The following ADGRB1 variants were observed in gnomAD, a reference collection of about 807,000 sequenced individuals.
ADGRB1 encodes the protein adhesion G protein-coupled receptor B1, also known as brain-specific angiogenesis inhibitor 1.
Under a neutral mutation model 175.7 loss-of-function variants are expected in ADGRB1, and 36 were observed. The ratio of observed to expected loss-of-function variants is 0.20; its 90% CI spans 0.16 to 0.27. The LOEUF (loss-of-function observed/expected upper bound fraction) is 0.27, where lower values mean the gene tolerates loss of function less well. Ranked by LOEUF, ADGRB1 falls within the 10% of genes least tolerant of loss-of-function variation. The pLI, the probability that ADGRB1 is intolerant of heterozygous loss-of-function variation, is 1.00. For synonymous variants in ADGRB1, 1,054 were observed against 979.4 expected (o/e 1.08, Z -1.42); for missense variants, 1,731 against 2,255.3 (o/e 0.77, Z 4.71).
At chr8:142,489,548 C>A (rs1841885146) in intron 16 of ADGRB1, 110 bp downstream of exon 16, 2 of 1,189,116 alleles carry the variant, frequency 1.7e-6, no homozygotes, top group Non-Finnish European at 2.4e-6. Context: ...ACAGCTTTAA[C>A]CTTCGAGAGC....
At position 142,532,845 on chromosome 8, in the gene ADGRB1, C is replaced by T. The variant is rs549249200; in HGVS notation, c.3399-450C>T. ...CACCAGACAGCCCATCCCTCTCCAG[C>T]CTGTCTCCCTTCCCCTGTCACCTCC... On this transcript the variant is annotated intron_variant, in intron 24 of 30. Coordinates refer to ENST00000517894, the MANE Select transcript of ADGRB1 (RefSeq NM_001702.3). Among the ~76,000 whole-genome samples, 5 of 152,244 alleles carry T rather than the reference C, an allele frequency of 3.3e-5. No homozygotes were observed. The South Asian group carries it at 1.0e-3, about 32-fold the overall frequency.
At chr8:142,505,021 G>T (rs1433790981) in intron 17 of ADGRB1, among the ~76,000 whole-genome samples, 3 of 148,866 alleles carry the variant, frequency 2.0e-5, no homozygotes, top group Non-Finnish European at 4.5e-5. Context: ...TCGTGGGCCG[G>T]CAGGAGGCAT....
intron 1 of ADGRB1, among the ~76,000 whole-genome samples, chr8:142,462,815 C>T (rs1282769973): frequency 6.6e-6 from 1 of 152,220 alleles, no homozygotes; most frequent in Non-Finnish European, 1.5e-5. Flanking sequence ...TGGCCAGAGG[C>T]CTTGGGGGTG....
chr8:142,488,263 C>T, intron 13 of ADGRB1, 101 bp from the exon 14 acceptor site: 1 of 1,500,536 alleles, frequency 6.7e-7, no homozygotes, highest in Non-Finnish European at 9.1e-7. Context: ...CGGCATCAGC[C>T]TGCACTGCCA....
chr8:142,477,286 G>A lies in ADGRB1; in HGVS notation c.1222+8G>A. 1 of 1,523,104 alleles carries A rather than the reference G, an allele frequency of 6.6e-7. No homozygotes were observed. The highest frequency in any genetic ancestry group is 1.6e-5 in the African/African-American group (1 of 61,100). The allele number at this position is 1,523,104 out of a possible 1,614,324, so 94.3% of individuals were successfully genotyped here. ...ACTCTGCCGTGTGCCCAGGTGGGTG[G>A]GACCTTGGGCTGGGGCAGCGGACAG... On this transcript the variant is annotated splice_region_variant and intron_variant, in intron 5 of 30. Transcript: ENST00000517894.
intron 22 of ADGRB1, 132 bp downstream of exon 22, chr8:142,522,842 G>A: frequency 8.9e-7 from 1 of 1,122,096 alleles, no homozygotes; most frequent in Non-Finnish European, 1.2e-6. Context: ...CTCAGGGAGG[G>A]TGGGGCCCCA....
chr8:142,535,199 C>T (rs762377922), intron 25 of ADGRB1, among the ~76,000 whole-genome samples: 13 of 152,136 alleles, frequency 8.5e-5, no homozygotes, highest in Non-Finnish European at 1.6e-4. Context: ...ACCAACTGAC[C>T]GGTGACGGGA....
chr8:142,450,384 C>T (rs1839268863), intron 1 of ADGRB1, among the ~76,000 whole-genome samples: 2 of 152,154 alleles, frequency 1.3e-5, no homozygotes, highest in East Asian at 2.0e-4. Context: ...AGGAGAGGCT[C>T]CTCGGCGCCG....
In ADGRB1 at chr8:142,517,421, G is replaced by A. The variant is rs1006097543; in HGVS notation, c.2818-717G>A. On this transcript the variant is annotated intron_variant, in intron 18 of 30. Transcript: ENST00000517894. ...GCAGGGCAGAGGTGCCCTCCAGTGC[G>A]CTGATCACCTCCCCCATGCCGCTGT... is the stretch of plus-strand genomic sequence containing the variant. Among the ~76,000 whole-genome samples the A allele has an allele frequency of 8.5e-5, 13 of 152,242 alleles. No homozygotes were observed. The East Asian group carries it at 9.6e-4, about 11-fold the overall frequency.
chr8:142,455,471 C>A lies in ADGRB1; in HGVS notation c.-220+5367C>A, dbSNP rs545529002. Among the ~76,000 whole-genome samples the A allele has an allele frequency of 5.9e-5, 9 of 152,322 alleles. No individual in the cohort carries two copies. The East Asian group carries it at 1.7e-3, about 30-fold the overall frequency. ...AGCTTCGCTGTCAGGCCCCCAACCA[C>A]TTGCCTTCCTGGGAGAGGAGCATGC... On this transcript the variant is annotated intron_variant, in intron 1 of 30. Transcript: ENST00000517894. This position sits in a 1 kb window ranked among gnomAD's most constrained non-coding sequence, Gnocchi z 4.9.
chr8:142,524,142 C>T, intron 22 of ADGRB1, 96 bp from the exon 23 acceptor site: 3 of 1,365,572 alleles, frequency 2.2e-6, no homozygotes, highest in South Asian at 2.5e-5. Flanking sequence ...TTTCTTCTGC[C>T]ACTTCCCAGC....
At chr8:142,488,541 T>G in intron 14 of ADGRB1, 34 bp downstream of exon 14, 1 of 1,603,692 alleles carries the variant, frequency 6.2e-7, no homozygotes, top group Non-Finnish European at 8.5e-7. Flanking sequence ...GGGACCTTCA[T>G]GGGGGACGTG....
At position 142,487,979 on chromosome 8, in the gene ADGRB1, G is replaced by A. The variant is rs78507385; in HGVS notation, c.2309-385G>A. Among the ~76,000 whole-genome samples the A allele has an allele frequency of 2.8e-3, 422 of 152,300 alleles. 5 individuals carry two copies. In the East Asian group the frequency reaches 0.032, roughly 12 times the overall value. ...GGGCTCCCCTGTCCCAGGAGGGAGT[G>A]GGGGGCGCTGAGGAGGTGCCTGGTG... On this transcript the variant is annotated intron_variant, in intron 13 of 30. Transcript: ENST00000517894.
chr8:142,544,662 T>G lies in ADGRB1; in HGVS notation c.*245T>G. 2 of 386,726 alleles carry G rather than the reference T, an allele frequency of 5.2e-6. No individual in the cohort carries two copies. The highest frequency in any genetic ancestry group is 4.5e-5 in the East Asian group (1 of 22,428). The allele number at this position is 386,726 out of a possible 1,614,324, so 24.0% of individuals were successfully genotyped here. ...GCCGAAGGTGCCTCAGACTCCGCCCTCCTCGGGCCGAGGCCCAGCGGGCAG... is the reference window on the plus strand; with the variant it reads ...GCCGAAGGTGCCTCAGACTCCGCCCGCCTCGGGCCGAGGCCCAGCGGGCAG... On this transcript the variant is annotated 3_prime_UTR_variant, in exon 31 of 31. Coordinates refer to ENST00000517894, the MANE Select transcript of ADGRB1 (RefSeq NM_001702.3).
In ADGRB1 at chr8:142,543,673, G is replaced by A; in HGVS notation, c.4522G>A (p.Glu1508Lys). The change falls in exon 30 of 31, where the codon GAG becomes AAG. Residue 1508 changes from glutamate (E) to lysine (K), a missense_variant. Glu to Lys is a moderately conservative substitution (Grantham distance 56). Transcript: ENST00000517894. This position sits in a 1 kb window ranked among gnomAD's most constrained non-coding sequence, Gnocchi z 4.4. ...DLNRKLQHAA[E>K]KDKEVLGPDS... ...GAACCGGAAGCTGCAGCACGCAGCG[G>A]AGAAGGACAAGGAGGTGCTGGGGCC... 6.9e-7 allele frequency: 1 copy of A among 1,440,042 alleles called. No individual in the cohort carries two copies. Among genetic ancestry groups the A allele is most frequent in the Non-Finnish European group, 9.3e-7 (1 of 1,076,514 alleles). The allele number at this position is 1,440,042 out of a possible 1,614,324, so 89.2% of individuals were successfully genotyped here.
At chr8:142,479,672 C>T in intron 8 of ADGRB1, 21 bp from the exon 9 acceptor site, 1 of 1,608,620 alleles carries the variant, frequency 6.2e-7, no homozygotes, top group Non-Finnish European at 8.5e-7. Context: ...TCCTGAACCC[C>T]TGTCCCGGGC....
At chr8:142,496,899 C>T (rs1842242234) in intron 17 of ADGRB1, among the ~76,000 whole-genome samples, 1 of 152,210 alleles carries the variant, frequency 6.6e-6, no homozygotes, top group Admixed American at 6.5e-5. Context: ...CAGGAGACTC[C>T]TGTCCAACTG....
intron 11 of ADGRB1, among the ~76,000 whole-genome samples, chr8:142,482,587 GCCCTGACCCTCGTCACATGCTGAA>G (rs1203453638): frequency 1.3e-5 from 2 of 149,662 alleles, no homozygotes; most frequent in Admixed American, 6.6e-5. Flanking sequence ...CACACACTGA[GCCCTGACCCTCGTCACATGCTGAA>G]CCCTGACCCT....
intron 17 of ADGRB1, among the ~76,000 whole-genome samples, chr8:142,502,467 TCAC>T (rs1842658514): frequency 3.6e-3 from 1 of 276 alleles, no homozygotes; most frequent in African/African-American, 0.013. Context: ...GGTGCAGTCA[TCAC>T]TGTGGTTTTG....
Sources: allele counts gnomAD v4.1 joint callset (sites outside exome capture counted in the v4.1 genomes callset), GRCh38; gene constraint gnomAD v4.1.1; non-coding constraint Gnocchi (gnomAD v3.1); transcripts MANE v1.5; gene names NCBI Gene and HGNC (gene_info 2026-07-23, HGNC 2026-07-21).